TOPORS: variants seen among roughly 807,000 people sequenced by gnomAD.
TOPORS encodes the protein TOP1 binding arginine/serine rich protein, E3 ubiquitin ligase.
In TOPORS, 25 loss-of-function variants were observed where a neutral mutation model predicts 81.4. That is an observed-to-expected ratio of 0.31 (90% confidence interval 0.22 to 0.43). TOPORS has a LOEUF of 0.43. Ranked by LOEUF, TOPORS falls within the 20% of genes least tolerant of loss-of-function variation. TOPORS has a pLI of 1.00. For missense variants in TOPORS, 1,101 were observed against 1,267.0 expected (o/e 0.87, Z 1.99); for synonymous variants, 473 against 456.6 (o/e 1.04, Z -0.46).
Position 32,542,816 on chromosome 9 carries a change from G to C in TOPORS, c.1709C>G (p.Ser570Cys). The C allele has an allele frequency of 6.2e-7, 1 of 1,614,062 alleles. No homozygotes were observed. ...TACAGATGAGTTCAGGTTTCTGGGA[G>C]ATGACAATGATGTAGATCGTTTCTC... The part of the protein sequence containing the change: ...KEEKRSTSLS[S>C]PRNLNSSVRG... Residue 570 changes from serine to cysteine, a missense_variant, in exon 3 of 3, where the codon TCT becomes TGT. Coordinates refer to ENST00000360538, the MANE Select transcript of TOPORS (RefSeq NM_005802.5).
chr9:32,546,270 C>CA (rs1821139738), intron 2 of TOPORS, among the ~76,000 whole-genome samples: 1 of 152,170 alleles, frequency 6.6e-6, no homozygotes, highest in Non-Finnish European at 1.5e-5. Flanking sequence ...CTACTTTTAA[C>CA]ATTTTTTAAT....
Position 32,541,701 on chromosome 9 carries a change from G to A in TOPORS, c.2824C>T (p.Pro942Ser), listed in dbSNP as rs1821061900. The A allele has an allele frequency of 1.9e-6, 3 of 1,614,150 alleles. No individual in the cohort carries two copies. The Admixed American group carries it at 5.0e-5, about 27-fold the overall frequency. ...TTAGTTTCAAATGGTTCCAAGGAAG[G>A]AGCCAAAAACTCATTTTGTAGAGGG... Reference protein sequence around the residue: ...QDPLQNEFLAPSLEPFETKDV... With the variant: ...QDPLQNEFLASSLEPFETKDV... The change falls in exon 3 of 3, where the codon CCT (proline) becomes TCT (serine). Residue 942 changes from proline (P) to serine (S), a missense_variant. Coordinates refer to ENST00000360538, the MANE Select transcript of TOPORS (RefSeq NM_005802.5).
At position 32,542,448 on chromosome 9, in the gene TOPORS, T is replaced by G. The variant is rs768245806; in HGVS notation, c.2077A>C (p.Arg693=). Residue 693 remains arginine, a synonymous_variant, in exon 3 of 3, where the codon AGA becomes CGA. Coordinates refer to ENST00000360538, the MANE Select transcript of TOPORS (RefSeq NM_005802.5). The stretch of plus-strand genomic sequence containing the variant: ...TTGTATCTGCTTCCATAATTATTTC[T>G]TAAATAATAACGATCTCTATTTCTG... ...RSRNRDRYYL[R]NNYGSRYKWE... is the part of the protein sequence containing the mutation. 1.7e-5 allele frequency: 28 copies of G among 1,613,348 alleles called. No individual in the cohort carries two copies. The highest frequency in any genetic ancestry group is 2.1e-5 in the Non-Finnish European group (25 of 1,179,744).
rs763907340 is a variant in TOPORS at position 32,550,958 on chromosome 9, G to T, written c.14C>A (p.Pro5Gln). The stretch of plus-strand genomic sequence containing the variant: ...GCGAGACAGCGGAGACCCCAGCGGC[G>T]GCTGCGACCCCTGTGACGCAAAGGG... MGSQ[P>Q]PLGSPLSREE... The change falls in exon 2 of 3, where the codon CCG becomes CAG. Residue 5 changes from proline to glutamine, a missense_variant. Coordinates refer to ENST00000360538, the MANE Select transcript of TOPORS (RefSeq NM_005802.5). The T allele has an allele frequency of 1.2e-6, 2 of 1,611,072 alleles. No individual in the cohort carries two copies. The highest frequency in any genetic ancestry group is 1.7e-5 in the Admixed American group (1 of 60,006).
In TOPORS at chr9:32,542,560, T is replaced by TACAGACA; in HGVS notation, c.1964_1965insTGTCTGT (p.Arg655SerfsTer12). On this transcript the variant is annotated frameshift_variant, in exon 3 of 3. Transcript: ENST00000360538. LOFTEE classifies it high-confidence loss of function. The stretch of plus-strand genomic sequence containing the variant: ...TACTTAGAGACAGAGTTTGGCTTCT[T>TACAGACA]CTGGACCAACTGCTATCTCTAGTTC... 6.2e-7 allele frequency: 1 copy of TACAGACA among 1,614,138 alleles called. No individual in the cohort carries two copies. Among genetic ancestry groups the TACAGACA allele is most frequent in the Non-Finnish European group, 8.5e-7 (1 of 1,180,024 alleles).
chr9:32,543,223 A>G lies in TOPORS; in HGVS notation c.1302T>C (p.Thr434=). The change falls in exon 3 of 3, where the codon ACT becomes ACC. Residue 434 remains threonine (T), a synonymous_variant. Transcript: ENST00000360538. The surrounding 1 kb of genome is among the most constrained non-coding windows in gnomAD (Gnocchi z 5.6). ...CAGAAGTATTTAAAAGAGAAGACAT[A>G]GTAACGTGTACCTGCTCTGAGCTTG... ...SYSSSEQVHV[T]MSSLLNTSDS... 1 of 1,613,672 alleles carries G rather than the reference A, an allele frequency of 6.2e-7. No homozygotes were observed. The highest frequency in any genetic ancestry group is 1.3e-5 in the African/African-American group (1 of 75,062).
At chr9:32,547,172 C>G (rs1192960147) in intron 2 of TOPORS, among the ~76,000 whole-genome samples, 1 of 152,108 alleles carries the variant, frequency 6.6e-6, no homozygotes, top group Non-Finnish European at 1.5e-5. Context: ...TTTGAAACAG[C>G]CTAGGCAACA....
rs768116731 is a variant in TOPORS at position 32,552,457 on chromosome 9, C to T, written c.-21G>A. 1.9e-6 allele frequency: 3 copies of T among 1,603,160 alleles called. No homozygotes were observed. The highest frequency in any genetic ancestry group is 1.1e-5 in the South Asian group (1 of 89,226). On this transcript the variant is annotated 5_prime_UTR_variant, in exon 1 of 3. In the 5' UTR this introduces an upstream ATG that the reference lacks. Coordinates refer to ENST00000360538, the MANE Select transcript of TOPORS (RefSeq NM_005802.5). ...ACCATGAAGCCAGTAAGTCGTCGCA[C>T]GCTGGACTGGATTTATTCAGTGGTA...
rs778408216 is a variant in TOPORS at position 32,550,921 on chromosome 9, T to G, written c.51A>C (p.Glu17Asp). The G allele has an allele frequency of 1.2e-5, 20 of 1,612,396 alleles. No individual in the cohort carries two copies. In the South Asian group the frequency reaches 2.2e-4, roughly 18 times the overall value. ...CCGAAGCGGGAGCAGGCGGGGGCGCTTCACCCTCCTCGCGAGACAGCGGAG... is the reference window on the plus strand; with the variant it reads ...CCGAAGCGGGAGCAGGCGGGGGCGCGTCACCCTCCTCGCGAGACAGCGGAG... Reference protein sequence around the residue: ...LGSPLSREEGEAPPPAPASEG... With the variant: ...LGSPLSREEGDAPPPAPASEG... The change falls in exon 2 of 3, where the codon GAA becomes GAC. Residue 17 changes from glutamate to aspartate, a missense_variant. This residue lies in a region of TOPORS where 131 missense variants were observed against 101.0 expected (regional missense o/e 1.30). Coordinates refer to ENST00000360538, the MANE Select transcript of TOPORS (RefSeq NM_005802.5).
rs973677922 is a variant in TOPORS at position 32,543,730 on chromosome 9, A to G, written c.795T>C (p.Ala265=). Residue 265 remains alanine, a synonymous_variant, in exon 3 of 3, where the codon GCT becomes GCC. Coordinates refer to ENST00000360538, the MANE Select transcript of TOPORS (RefSeq NM_005802.5). This position sits in a 1 kb window ranked among gnomAD's most constrained non-coding sequence, Gnocchi z 5.6. ...CTTCAATATTTCTAACTCGAGCACC[A>G]GCACGATAAAGAGTTCGTCTAAAAT... The part of the protein sequence containing the change: ...IINFRRTLYR[A]GARVRNIEDG... 1 of 1,612,286 alleles carries G rather than the reference A, an allele frequency of 6.2e-7. No homozygotes were observed. The highest frequency in any genetic ancestry group is 2.2e-5 in the East Asian group (1 of 44,852).
chr9:32,551,606 G>T, intron 1 of TOPORS: 1 of 253,680 alleles, frequency 3.9e-6, no homozygotes, highest in Non-Finnish European at 8.5e-6. Flanking sequence ...GAGGTATAAA[G>T]AACGTCTAGA....
At position 32,541,247 on chromosome 9, in the gene TOPORS, C is replaced by CAA. The variant is rs140010425; in HGVS notation, c.*138_*139dup. ...AATAATGATTTTTACAAATTAACAC[C>CAA]AAAAAAAAAATCATTTAAAATATTG... On this transcript the variant is annotated 3_prime_UTR_variant, in exon 3 of 3. Coordinates refer to ENST00000360538, the MANE Select transcript of TOPORS (RefSeq NM_005802.5). 669 of 778,936 alleles carry CAA rather than the reference C, an allele frequency of 8.6e-4. No homozygotes were observed. The highest frequency in any genetic ancestry group is 2.4e-3 in the Middle Eastern group (6 of 2,518). The allele number at this position is 778,936 out of a possible 1,614,324, so 48.3% of individuals were successfully genotyped here.
chr9:32,544,908 C>CAG (rs1821121717), intron 2 of TOPORS, among the ~76,000 whole-genome samples: 1 of 152,180 alleles, frequency 6.6e-6, no homozygotes, highest in Non-Finnish European at 1.5e-5. Context: ...ATACATATGC[C>CAG]ACTAACAATA....
Position 32,550,872 on chromosome 9 carries a change from C to T in TOPORS, c.100G>A (p.Val34Ile). The T allele has an allele frequency of 6.2e-7, 1 of 1,613,082 alleles. No homozygotes were observed. The highest frequency in any genetic ancestry group is 8.5e-7 in the Non-Finnish European group (1 of 1,179,806). ...TGTCGGCAGGATCCGCGAAGGCGTA[C>T]CCGGCGACTTCTCCGCCTACCCTCC... ...ASEGRRRSRR[V>I]RLRGSCRHRP... is the part of the protein sequence containing the mutation. The change falls in exon 2 of 3, where the codon GTA becomes ATA. Residue 34 changes from valine (V) to isoleucine (I), a missense_variant. By Grantham distance (29) the Val-to-Ile change is conservative. Transcript: ENST00000360538.
chr9:32,548,973 C>A (rs1283405726), intron 2 of TOPORS, among the ~76,000 whole-genome samples: 1 of 152,060 alleles, frequency 6.6e-6, no homozygotes, highest in Non-Finnish European at 1.5e-5. Context: ...ATGATATAAA[C>A]GAAGTATAAC....
chr9:32,542,558 C>G lies in TOPORS; in HGVS notation c.1967G>C (p.Arg656Thr). The change falls in exon 3 of 3, where the codon AGA (arginine) becomes ACA (threonine). Residue 656 changes from arginine to threonine, a missense_variant. This residue lies in a region of TOPORS where 605 missense variants were observed against 636.1 expected (regional missense o/e 0.95). Transcript: ENST00000360538. ...SRTRDSSWSR[R>T]SQTLSLSSES... ...ACTACTTAGAGACAGAGTTTGGCTT[C>G]TTCTGGACCAACTGCTATCTCTAGT... 1.2e-6 allele frequency: 2 copies of G among 1,614,106 alleles called. No individual in the cohort carries two copies. The highest frequency in any genetic ancestry group is 1.7e-6 in the Non-Finnish European group (2 of 1,180,038).
In TOPORS at chr9:32,544,289, T is replaced by G; in HGVS notation, c.236A>C (p.Asn79Thr). The change falls in exon 3 of 3, where the codon AAC (asparagine) becomes ACC (threonine). Residue 79 changes from asparagine to threonine, a missense_variant. Asn to Thr is a moderately conservative substitution (Grantham distance 65). This residue lies in a region of TOPORS where 48 missense variants were observed against 73.3 expected (regional missense o/e 0.65). Coordinates refer to ENST00000360538, the MANE Select transcript of TOPORS (RefSeq NM_005802.5). ...ASAAKEFKMD[N>T]FSPKAGTSKL... Reference sequence around the variant, plus strand: ...GCTAGTGCCAGCTTTAGGTGAAAAGTTGTCCATTTTAAATTCCTTAGCAGC... The same window carrying G: ...GCTAGTGCCAGCTTTAGGTGAAAAGGTGTCCATTTTAAATTCCTTAGCAGC... The G allele has an allele frequency of 1.2e-6, 2 of 1,603,204 alleles. No individual in the cohort carries two copies. The highest frequency in any genetic ancestry group is 1.7e-6 in the Non-Finnish European group (2 of 1,179,970).
At position 32,550,844 on chromosome 9, in the gene TOPORS, C is replaced by G. The variant is rs777806157; in HGVS notation, c.128G>C (p.Arg43Pro). 2 of 1,613,018 alleles carry G rather than the reference C, an allele frequency of 1.2e-6. No homozygotes were observed. The highest frequency in any genetic ancestry group is 8.5e-7 in the Non-Finnish European group (1 of 1,179,794). ...CTCCCGGCAGCCCAGAAAGCTAGGT[C>G]GGTGTCGGCAGGATCCGCGAAGGCG... Reference protein sequence around the residue: ...RVRLRGSCRHRPSFLGCRELA... With the variant: ...RVRLRGSCRHPPSFLGCRELA... The change falls in exon 2 of 3, where the codon CGA becomes CCA. Residue 43 changes from arginine (R) to proline (P), a missense_variant. Coordinates refer to ENST00000360538, the MANE Select transcript of TOPORS (RefSeq NM_005802.5).
intron 2 of TOPORS, among the ~76,000 whole-genome samples, chr9:32,549,933 C>A (rs1348395949): frequency 6.6e-6 from 1 of 152,136 alleles, no homozygotes; most frequent in South Asian, 2.1e-4. Context: ...CAAATTTAAT[C>A]CAATTCCAGC....
Sources: allele counts gnomAD v4.1 joint callset (sites outside exome capture counted in the v4.1 genomes callset), GRCh38; gene constraint gnomAD v4.1.1; regional missense constraint gnomAD v4.1.1; non-coding constraint Gnocchi (gnomAD v3.1); transcripts MANE v1.5; gene names NCBI Gene and HGNC (gene_info 2026-07-23, HGNC 2026-07-21).